The following FAP variants were observed in gnomAD, a reference collection of about 807,000 sequenced individuals.
FAP encodes prolyl endopeptidase FAP.
Under a neutral mutation model 126.5 loss-of-function variants are expected in FAP, and 110 were observed. That is an observed-to-expected ratio of 0.87 (90% CI 0.74 to 1.02). The LOEUF is 1.02. Ranked by LOEUF, FAP falls within the 50% of genes least tolerant of loss-of-function variation. FAP has a pLI of 0.00. For synonymous variants in FAP, 334 were observed against 297.3 expected, an observed-to-expected ratio of 1.12 and a Z score of -1.27; for missense variants, 919 against 909.2, an observed-to-expected ratio of 1.01 and a Z score of -0.14.
At chr2:162,192,380 TCTC>T (rs1427036476) in intron 17 of FAP, among the ~76,000 whole-genome samples, 1 of 151,918 alleles carries the variant, frequency 6.6e-6, no homozygotes, top group African/African-American at 2.4e-5. Flanking sequence ...CTTGAGCTCT[TCTC>T]CTCCCCTGCT....
intron 4 of FAP, 125 bp from the exon 5 acceptor site, chr2:162,224,665 A>C (rs1454237003): frequency 1.9e-6 from 1 of 516,304 alleles, no homozygotes; most frequent in African/African-American, 2.0e-5. Context: ...AATGCAATTG[A>C]AAAAAATATT....
chr2:162,241,959 C>T (rs186917518), intron 2 of FAP, among the ~76,000 whole-genome samples: 2 of 152,184 alleles, frequency 1.3e-5, no homozygotes, highest in East Asian at 3.9e-4. Flanking sequence ...AGCAACAGTC[C>T]AGTCATTCAG....
chr2:162,189,322 A>T, intron 18 of FAP, 150 bp from the exon 19 acceptor site: 1 of 495,350 alleles, frequency 2.0e-6, no homozygotes, highest in Non-Finnish European at 3.5e-6. Flanking sequence ...CTTTTATTAA[A>T]TTTTTGTGTT....
intron 10 of FAP, among the ~76,000 whole-genome samples, chr2:162,214,630 C>T (rs1689098043): frequency 6.7e-6 from 1 of 149,978 alleles, no homozygotes; most frequent in Non-Finnish European, 1.5e-5. Context: ...TGAATGGCAA[C>T]GATGATTCCA....
At chr2:162,192,275 G>A (rs1163685542) in intron 17 of FAP, among the ~76,000 whole-genome samples, 3 of 152,022 alleles carry the variant, frequency 2.0e-5, no homozygotes, top group African/African-American at 7.2e-5. Flanking sequence ...CTCTGACCAA[G>A]CTAATGTCAA....
Position 162,219,871 on chromosome 2 carries a change from C to A in FAP, c.468G>T (p.Ser156=). The A allele has an allele frequency of 1.2e-6, 2 of 1,610,588 alleles. No homozygotes were observed. Among genetic ancestry groups the A allele is most frequent in the South Asian group, 1.1e-5 (1 of 90,888 alleles). Residue 156 remains serine, a synonymous_variant, in exon 7 of 26, where the codon TCG becomes TCT. Transcript: ENST00000188790. The part of the protein sequence containing the change: ...LPRPIQYLCW[S]PVGSKLAYVY... ...CACTTACTAATTTACTCCCAACAGG[C>A]GACCAGCATAAATACTGAATTGGAC...
At chr2:162,192,515 G>T (rs1441682585) in intron 17 of FAP, among the ~76,000 whole-genome samples, 3 of 151,752 alleles carry the variant, frequency 2.0e-5, no homozygotes, top group Non-Finnish European at 2.9e-5. Context: ...TTCGTTGTAG[G>T]CTCACTCCCC....
chr2:162,176,512 A>T (rs1022071970), intron 21 of FAP: 30 of 152,192 alleles, frequency 2.0e-4, no homozygotes, highest in African/African-American at 7.2e-4. Context: ...TTGCAAGTGA[A>T]AATTCTCTGT....
chr2:162,232,815 A>G (rs768250036), intron 2 of FAP, among the ~76,000 whole-genome samples: 2 of 152,242 alleles, frequency 1.3e-5, no homozygotes, highest in African/African-American at 2.4e-5. Context: ...ATCATAAGAT[A>G]TAATCAACCT....
intron 1 of FAP, 103 bp from the exon 2 acceptor site, chr2:162,243,095 AG>A: frequency 3.1e-6 from 3 of 982,312 alleles, no homozygotes; most frequent in Non-Finnish European, 4.7e-6. Context: ...CGCCCCACAA[AG>A]CTTTTGATTG....
intron 2 of FAP, among the ~76,000 whole-genome samples, chr2:162,239,247 G>T (rs1176893802): frequency 6.6e-6 from 1 of 151,818 alleles, no homozygotes; most frequent in African/African-American, 2.4e-5. Context: ...ATGTTGCCCA[G>T]CCTGGTCTCA....
intron 16 of FAP, 21 bp from the exon 17 acceptor site, chr2:162,194,769 A>G (rs1688185030): frequency 6.2e-7 from 1 of 1,611,584 alleles, no homozygotes; most frequent in African/African-American, 1.3e-5. Flanking sequence ...GATGAAAACA[A>G]AATCATGGCT....
chr2:162,228,684 T>C (rs1051119492), intron 2 of FAP, among the ~76,000 whole-genome samples: 4 of 152,190 alleles, frequency 2.6e-5, no homozygotes, highest in Admixed American at 1.3e-4. Context: ...ATACAGTTAT[T>C]TGTAATGAAA....
At chr2:162,189,275 C>T (rs1687959354) in intron 18 of FAP, 103 bp from the exon 19 acceptor site, 2 of 596,906 alleles carry the variant, frequency 3.4e-6, no homozygotes, top group Non-Finnish European at 5.6e-6. Flanking sequence ...TTTTCAACTA[C>T]TAAATTGTTA....
At chr2:162,192,317 C>T (rs1688077500) in intron 17 of FAP, among the ~76,000 whole-genome samples, 1 of 152,052 alleles carries the variant, frequency 6.6e-6, no homozygotes, top group Non-Finnish European at 1.5e-5. Flanking sequence ...TAATTTAGAG[C>T]AAGCCTTCCC....
intron 12 of FAP, among the ~76,000 whole-genome samples, chr2:162,205,730 C>T (rs1168067192): frequency 6.6e-6 from 1 of 152,136 alleles, no homozygotes; most frequent in African/African-American, 2.4e-5. Context: ...TCAGGCTGGT[C>T]TCGAACTCCT....
rs1687281695 is a variant in FAP at position 162,170,948 on chromosome 2, A to G, written c.*31T>C. 8 of 1,552,644 alleles carry G rather than the reference A, an allele frequency of 5.2e-6. No homozygotes were observed. The highest frequency in any genetic ancestry group is 6.2e-6 in the Non-Finnish European group (7 of 1,125,634). ...TGAGGGGTTTATATAAGGTTTTCAG[A>G]TTCTGATACAGGCTTGCATCTGCAT... On this transcript the variant is annotated 3_prime_UTR_variant, in exon 26 of 26. Coordinates refer to ENST00000188790, the MANE Select transcript of FAP (RefSeq NM_004460.5).
rs1690375567 is a variant in FAP, at chr2:162,242,084, C to CA, written c.91+823dup. Among the ~76,000 whole-genome samples, 3 of 152,180 alleles carry CA rather than the reference C, an allele frequency of 2.0e-5. No homozygotes were observed. The South Asian group carries it at 6.2e-4, about 32-fold the overall frequency. On this transcript the variant is annotated intron_variant, in intron 2 of 25. Transcript: ENST00000188790. ...CATAAACTTTTAGTATTTATTAGTA[C>CA]AAATTTTTCCCCTTTCCTAGACACA...
chr2:162,240,017 T>G (rs866299177), intron 2 of FAP, among the ~76,000 whole-genome samples: 2 of 152,076 alleles, frequency 1.3e-5, no homozygotes, highest in South Asian at 2.1e-4. Context: ...TAAGGGGAAG[T>G]CAAGGAGCTT....
Sources: allele counts gnomAD v4.1 joint callset (sites outside exome capture counted in the v4.1 genomes callset), GRCh38; gene constraint gnomAD v4.1.1; transcripts MANE v1.5; gene names NCBI Gene and HGNC (gene_info 2026-07-23, HGNC 2026-07-21).